MYL1: variants seen among roughly 807,000 people sequenced by gnomAD.
The protein encoded by MYL1 is myosin light chain 1, also known as myosin light chain 1/3, skeletal muscle isoform.
MYL1 carries 16 observed loss-of-function variants against 21.8 expected under a neutral mutation model. That is an observed-to-expected ratio of 0.74 (90% CI 0.50 to 1.12). MYL1 has a LOEUF of 1.12. Among genes scored for constraint, MYL1 ranks in the 50% most tolerant of loss-of-function variants. The pLI is 0.00. For synonymous variants in MYL1, 99 were observed against 85.2 expected, an observed-to-expected ratio of 1.16 and a Z score of -0.89; for missense variants, 246 against 241.0, an observed-to-expected ratio of 1.02 and a Z score of -0.14.
chr2:210,295,559 T>C lies in MYL1; in HGVS notation c.305-1141A>G, dbSNP rs554890644. On this transcript the variant is annotated intron_variant, in intron 3 of 6. Transcript: ENST00000352451. ...TACTTGGGAAGCTGAGGTGGGAGGA[T>C]TGCTTGAGCCTGGGAGGTGGAGGTT... Among the ~76,000 whole-genome samples, 10 of 152,200 alleles carry C rather than the reference T, an allele frequency of 6.6e-5. No homozygotes were observed. The South Asian group carries it at 1.5e-3, about 22-fold the overall frequency.
intron 3 of MYL1, among the ~76,000 whole-genome samples, chr2:210,294,620 C>T (rs1274628346): frequency 6.6e-6 from 1 of 152,038 alleles, no homozygotes; most frequent in Non-Finnish European, 1.5e-5. Context: ...GCTTTTATTC[C>T]CAGTCTACCA....
intron 1 of MYL1, among the ~76,000 whole-genome samples, chr2:210,310,431 C>T (rs1381739479): frequency 6.6e-6 from 1 of 151,922 alleles, no homozygotes; most frequent in Non-Finnish European, 1.5e-5. Context: ...GATCTCATAC[C>T]CTCCTTAGAA....
chr2:210,298,604 C>G, intron 2 of MYL1, 41 bp from the exon 3 acceptor site: 1 of 1,610,438 alleles, frequency 6.2e-7, no homozygotes, highest in Non-Finnish European at 8.5e-7. Flanking sequence ...TTTTCTTCCT[C>G]TAACCTATTA....
chr2:210,295,608 T>G (rs1317581780), intron 3 of MYL1, among the ~76,000 whole-genome samples: 1 of 151,884 alleles, frequency 6.6e-6, no homozygotes, highest in Non-Finnish European at 1.5e-5. Flanking sequence ...ATCATGCCAC[T>G]GCACTCTAGC....
rs1690140902 is a variant in MYL1 at position 210,294,434 on chromosome 2, A to G, written c.305-16T>C. 1 of 1,610,168 alleles carries G rather than the reference A, an allele frequency of 6.2e-7. No individual in the cohort carries two copies. Among genetic ancestry groups the G allele is most frequent in the Non-Finnish European group, 8.5e-7 (1 of 1,177,750 alleles). ...GCATTCAGCTCTGTAAGAAATTGCA[A>G]TTTTGAGGGTTATTAGCTACCATAA... On this transcript the variant is annotated splice_polypyrimidine_tract_variant and intron_variant, in intron 3 of 6. Coordinates refer to ENST00000352451, the MANE Select transcript of MYL1 (RefSeq NM_079420.3).
chr2:210,297,212 T>C (rs1690187504), intron 3 of MYL1, among the ~76,000 whole-genome samples: 2 of 151,932 alleles, frequency 1.3e-5, no homozygotes, highest in African/African-American at 2.4e-5. Context: ...CTGGATCATA[T>C]AATAGTTCTA....
rs12469767 is a variant in MYL1 at position 210,303,622 on chromosome 2, A to C, written c.133-1107T>G. ...GCTGCTCCGGTCCCTGAGTGGGGTC[A>C]TCCCTGGCTGAGGCTTCCTTTTATT... On this transcript the variant is annotated intron_variant, in intron 1 of 6. Transcript: ENST00000352451. The C allele has an allele frequency of 0.49, 767,868 of 1,578,092 alleles. 189,139 individuals carry two copies. The highest frequency in any genetic ancestry group is 0.64 in the Middle Eastern group (3,781 of 5,880).
intron 5 of MYL1, among the ~76,000 whole-genome samples, chr2:210,293,260 A>T (rs1030739322): frequency 2.6e-5 from 4 of 152,188 alleles, no homozygotes; most frequent in African/African-American, 9.7e-5. Context: ...GCTGACTTTC[A>T]TGTAAGCAAG....
intron 1 of MYL1, among the ~76,000 whole-genome samples, chr2:210,311,006 G>A (rs949930345): frequency 1.3e-5 from 2 of 151,982 alleles, no homozygotes; most frequent in Admixed American, 6.6e-5. Flanking sequence ...CCTCTTTTAA[G>A]CTCAGTTTCT....
intron 3 of MYL1, among the ~76,000 whole-genome samples, chr2:210,296,682 G>A (rs995824897): frequency 5.3e-5 from 8 of 152,042 alleles, no homozygotes; most frequent in African/African-American, 1.4e-4. Flanking sequence ...TGTAGTCTTA[G>A]TTACTCAGGA....
chr2:210,292,428 T>C (rs1054575474), intron 5 of MYL1, among the ~76,000 whole-genome samples: 2 of 152,244 alleles, frequency 1.3e-5, no homozygotes, highest in Non-Finnish European at 2.9e-5. Flanking sequence ...TGTCATCTTA[T>C]TTTATTCATT....
chr2:210,300,423 CCATT>C (rs1690247215), intron 2 of MYL1, among the ~76,000 whole-genome samples: 1 of 152,144 alleles, frequency 6.6e-6, no homozygotes, highest in Non-Finnish European at 1.5e-5. Flanking sequence ...TCGGATACAG[CCATT>C]CCCATTCTTT....
At chr2:210,290,758 G>T (rs531232794) in intron 6 of MYL1, among the ~76,000 whole-genome samples, 1 of 151,998 alleles carries the variant, frequency 6.6e-6, no homozygotes, top group Non-Finnish European at 1.5e-5. Context: ...ACTAGTCTCT[G>T]GTTTGTTGAG....
At position 210,291,501 on chromosome 2, in the gene MYL1, C is replaced by T. The variant is rs74552929; in HGVS notation, c.557-427G>A. 6.9e-4 allele frequency among the ~76,000 whole-genome samples: 105 copies of T among 152,274 alleles called. 2 individuals are homozygous for T. The East Asian group carries it at 0.02, about 29-fold the overall frequency. On this transcript the variant is annotated intron_variant, in intron 5 of 6. Transcript: ENST00000352451. ...ATGTTTCCCATCACTGTCTGCTAGG[C>T]AACTGGTTCCCCTTTTTACTGCTAA... is the stretch of plus-strand genomic sequence containing the variant.
At position 210,302,709 on chromosome 2, in the gene MYL1, T is replaced by C. The variant is rs554766236; in HGVS notation, c.133-194A>G. 12 of 1,546,630 alleles carry C rather than the reference T, an allele frequency of 7.8e-6. 1 individual carries two copies. The South Asian group carries it at 1.2e-4, about 15-fold the overall frequency. Reference sequence around the variant, plus strand: ...TAACATGCCTTGAAGATAAGTAATATTGCAGAAACTAGGCAGTGCTGTGCC... The same window carrying C: ...TAACATGCCTTGAAGATAAGTAATACTGCAGAAACTAGGCAGTGCTGTGCC... On this transcript the variant is annotated intron_variant, in intron 1 of 6. Transcript: ENST00000352451.
At chr2:210,306,397 A>AT (rs34656184) in intron 1 of MYL1, among the ~76,000 whole-genome samples, 2 of 149,696 alleles carry the variant, frequency 1.3e-5, no homozygotes, top group Non-Finnish European at 3.0e-5. Context: ...AAAAAAAAAA[A>AT]GTTGAATTTA....
At chr2:210,300,052 TA>T (rs1210396199) in intron 2 of MYL1, among the ~76,000 whole-genome samples, 14 of 126,062 alleles carry the variant, frequency 1.1e-4, no homozygotes, top group Non-Finnish European at 1.7e-4. Flanking sequence ...TTCCCTAAGC[TA>T]AAAAACTTGC....
chr2:210,290,640 C>A (rs1400311454), intron 6 of MYL1, among the ~76,000 whole-genome samples, 173 bp from the exon 7 acceptor site: 1 of 152,198 alleles, frequency 6.6e-6, no homozygotes, highest in East Asian at 1.9e-4. Flanking sequence ...TGAATTTGGA[C>A]TGTTATAACA....
At chr2:210,302,461 T>C in intron 2 of MYL1, 27 bp downstream of exon 2, 1 of 1,602,186 alleles carries the variant, frequency 6.2e-7, no homozygotes, top group Non-Finnish European at 8.5e-7. Context: ...AGTGTGCACA[T>C]TTAAGAACCA....
Sources: allele counts gnomAD v4.1 joint callset (sites outside exome capture counted in the v4.1 genomes callset), GRCh38; gene constraint gnomAD v4.1.1; transcripts MANE v1.5; gene names NCBI Gene and HGNC (gene_info 2026-07-23, HGNC 2026-07-21).